METTL24: variants seen among roughly 807,000 people sequenced by gnomAD.
METTL24 encodes methyltransferase like 24.
METTL24 carries 29 observed loss-of-function variants against 32.7 expected under a neutral mutation model. The observed-to-expected ratio is 0.89, with a 90% confidence interval of 0.66 to 1.21. The LOEUF (loss-of-function observed/expected upper bound fraction) is 1.21. METTL24 is among the 50% of genes most tolerant of loss of function. The pLI, the probability that METTL24 is intolerant of heterozygous loss-of-function variation, is 0.00. For missense variants in METTL24, 439 were observed against 468.1 expected (o/e 0.94, Z 0.57); for synonymous variants, 163 against 179.5 (o/e 0.91, Z 0.73).
chr6:110,261,500 C>T (rs193075840), intron 4 of METTL24, among the ~76,000 whole-genome samples: 3 of 152,236 alleles, frequency 2.0e-5, no homozygotes, highest in Admixed American at 2.0e-4. Context: ...CACTTAGACT[C>T]CCACACAATA....
intron 4 of METTL24, among the ~76,000 whole-genome samples, chr6:110,248,662 G>A (rs1250478433): frequency 2.0e-5 from 3 of 151,882 alleles, no homozygotes; most frequent in African/African-American, 7.2e-5. Context: ...ATTTAGCCAG[G>A]TGCAGTGGCT....
chr6:110,318,651 C>CAAAAA (rs56890760), intron 2 of METTL24, among the ~76,000 whole-genome samples: 1 of 90,550 alleles, frequency 1.1e-5, no homozygotes, highest in Admixed American at 1.3e-4. Flanking sequence ...GACTCTACCT[C>CAAAAA]AAAAAAAAAA....
chr6:110,322,247 T>C (rs116486845), intron 2 of METTL24, among the ~76,000 whole-genome samples: 31 of 152,310 alleles, frequency 2.0e-4, no homozygotes, highest in African/African-American at 7.2e-4. Context: ...TGCTCAGTAA[T>C]GATTTCAAGT....
chr6:110,286,953 G>A (rs1771232292), intron 4 of METTL24, among the ~76,000 whole-genome samples: 1 of 152,200 alleles, frequency 6.6e-6, no homozygotes, highest in Admixed American at 6.5e-5. Flanking sequence ...CCTGCAGATG[G>A]CCTATAGTGG....
chr6:110,334,690 A>C (rs1039553145), intron 1 of METTL24, among the ~76,000 whole-genome samples: 25 of 152,176 alleles, frequency 1.6e-4, no homozygotes, highest in African/African-American at 4.1e-4. Context: ...ATCCCACTGA[A>C]TATGTCATTG....
At chr6:110,335,566 GTTT>G (rs527344096) in intron 1 of METTL24, among the ~76,000 whole-genome samples, 2,915 of 65,888 alleles carry the variant, frequency 0.044, 29 homozygotes, top group African/African-American at 0.11. Flanking sequence ...GGGAATCATT[GTTT>G]TTTTTTTTTT....
Position 110,358,165 on chromosome 6 carries a change from G to A in METTL24, c.108C>T (p.Ala36=). ...GLRLCAELRR[A]GPGSPTRSAP... ...CGCTGCGGGTGGGGGACCCGGGCCC[G>A]GCGCGCCGCAGCTCTGCGCAGAGCC... Residue 36 remains alanine (A), a synonymous_variant, in exon 1 of 5, where the codon GCC becomes GCT. Coordinates refer to ENST00000338882, the MANE Select transcript of METTL24 (RefSeq NM_001123364.3). 2 of 1,216,584 alleles carry A rather than the reference G, an allele frequency of 1.6e-6. No homozygotes were observed. The highest frequency in any genetic ancestry group is 2.0e-6 in the Non-Finnish European group (2 of 978,834). 75.4% of individuals were successfully genotyped at this position (1,216,584 alleles called of 1,614,324 possible).
At chr6:110,252,914 T>C (rs1778309064) in intron 4 of METTL24, among the ~76,000 whole-genome samples, 1 of 152,186 alleles carries the variant, frequency 6.6e-6, no homozygotes, top group Admixed American at 6.5e-5. Context: ...TTAAAATTCT[T>C]CACTAGTTTT....
chr6:110,297,710 T>G (rs555609427), intron 4 of METTL24, among the ~76,000 whole-genome samples: 73 of 152,274 alleles, frequency 4.8e-4, no homozygotes, highest in African/African-American at 1.5e-3. Flanking sequence ...CCCACACATA[T>G]GAAAAACATT....
In METTL24 at chr6:110,245,851, C is replaced by G. The variant is rs1240006901; in HGVS notation, c.*95G>C. 1.6e-6 allele frequency: 2 copies of G among 1,280,784 alleles called. No homozygotes were observed. Among genetic ancestry groups the G allele is most frequent in the Admixed American group, 2.0e-5 (1 of 50,964 alleles). The allele number at this position is 1,280,784 out of a possible 1,614,324, so 79.3% of individuals were successfully genotyped here. The stretch of plus-strand genomic sequence containing the variant: ...CTCCCTGCCTCAAGCAGGGCACAGG[C>G]TAGCAGGAGACTGGATGAGTAAACT... On this transcript the variant is annotated 3_prime_UTR_variant, in exon 5 of 5. Transcript: ENST00000338882.
chr6:110,321,878 G>A (rs1562236935), intron 2 of METTL24, among the ~76,000 whole-genome samples: 1 of 152,188 alleles, frequency 6.6e-6, no homozygotes, highest in Non-Finnish European at 1.5e-5. Flanking sequence ...AGGCTGGGGA[G>A]GAGAACAGGG....
chr6:110,257,096 C>G (rs1484034363), intron 4 of METTL24, among the ~76,000 whole-genome samples: 1 of 152,168 alleles, frequency 6.6e-6, no homozygotes, highest in Non-Finnish European at 1.5e-5. Context: ...GATGACTTAA[C>G]ATAAATTCTG....
At chr6:110,309,876 C>A (rs58406678) in intron 3 of METTL24, among the ~76,000 whole-genome samples, 38 of 124,978 alleles carry the variant, frequency 3.0e-4, no homozygotes, top group African/African-American at 9.7e-4. Flanking sequence ...AAAAACAAAA[C>A]AAAACAAAAC....
chr6:110,258,974 C>G (rs1285973401), intron 4 of METTL24, among the ~76,000 whole-genome samples: 1 of 152,126 alleles, frequency 6.6e-6, no homozygotes, highest in African/African-American at 2.4e-5. Context: ...CTCTTTTCCC[C>G]CAATATCTTT....
chr6:110,346,133 C>G (rs1477780377), intron 1 of METTL24, among the ~76,000 whole-genome samples: 2 of 152,104 alleles, frequency 1.3e-5, no homozygotes, highest in East Asian at 3.9e-4. Context: ...AATGCAATAC[C>G]CTGATTCAGA....
rs75171168 is a variant in METTL24 at position 110,256,429 on chromosome 6, G to A, written c.787-10169C>T. Among the ~76,000 whole-genome samples, 842 of 152,282 alleles carry A rather than the reference G, an allele frequency of 5.5e-3. 15 individuals carry two copies. The highest frequency in any genetic ancestry group is 0.019 in the African/African-American group (770 of 41,548). ...TTTCTGAACCCCATGCAGAGTTCTA[G>A]CAAAGTAGGTAGCATGGTCACTCTT... On this transcript the variant is annotated intron_variant, in intron 4 of 4. Transcript: ENST00000338882.
At chr6:110,326,183 T>C (rs1294534510) in intron 1 of METTL24, among the ~76,000 whole-genome samples, 1 of 152,194 alleles carries the variant, frequency 6.6e-6, no homozygotes, top group Non-Finnish European at 1.5e-5. Flanking sequence ...TCCAGAGGGA[T>C]CTTGCCCCAT....
intron 1 of METTL24, among the ~76,000 whole-genome samples, chr6:110,326,561 G>T (rs1772020693): frequency 6.6e-6 from 1 of 152,134 alleles, no homozygotes; most frequent in Non-Finnish European, 1.5e-5. Flanking sequence ...AATCAGTCAG[G>T]GACCCAGCAG....
intron 1 of METTL24, among the ~76,000 whole-genome samples, chr6:110,340,578 A>G (rs1772336370): frequency 6.6e-6 from 1 of 152,212 alleles, no homozygotes; most frequent in Non-Finnish European, 1.5e-5. Context: ...AGCGACCTTC[A>G]TGAGGATCAT....
Sources: gnomAD v4.1 joint callset for allele counts (sites outside exome capture counted in the v4.1 genomes callset) on GRCh38, gnomAD v4.1.1 for gene constraint, MANE v1.5 for transcripts, NCBI Gene and HGNC (gene_info 2026-07-23, HGNC 2026-07-21) for gene names.